DAB2IP: variants seen among roughly 807,000 people sequenced by gnomAD.
The protein encoded by DAB2IP is disabled homolog 2-interacting protein.
DAB2IP carries 28 observed loss-of-function variants against 107.2 expected under a neutral mutation model. The observed-to-expected ratio is 0.26, with a 90% CI of 0.19 to 0.36. The LOEUF (loss-of-function observed/expected upper bound fraction) is 0.36, where lower values mean the gene tolerates loss of function less well. DAB2IP is among the 10% of genes least tolerant of loss of function. The pLI, the probability that DAB2IP is intolerant of heterozygous loss-of-function variation, is 1.00. For missense variants in DAB2IP, 1,400 were observed against 1,644.7 expected (o/e 0.85, Z 2.57); for synonymous variants, 755 against 706.4 (o/e 1.07, Z -1.09).
At position 121,599,869 on chromosome 9, in the gene DAB2IP, GTGT is replaced by G. The variant is rs1830634050; in HGVS notation, c.40+32644_40+32646del. The stretch of plus-strand genomic sequence containing the variant: ...GAGGATCCGGGGGCTCCGATGCGAG[GTGT>G]TGGGGTAGGGGACTGAGGAATGGGC... On this transcript the variant is annotated intron_variant, in intron 1 of 16. Coordinates refer to the DAB2IP transcript ENST00000259371. This position sits in a 1 kb window ranked among gnomAD's most constrained non-coding sequence, Gnocchi z 6.9. Among the ~76,000 whole-genome samples the G allele has an allele frequency of 6.6e-6, 1 of 152,198 alleles. No homozygotes were observed. The highest frequency in any genetic ancestry group is 1.5e-5 in the Non-Finnish European group (1 of 68,022).
At chr9:121,674,719 C>T (rs10119574) in intron 1 of DAB2IP, among the ~76,000 whole-genome samples, 7 of 152,110 alleles carry the variant, frequency 4.6e-5, no homozygotes, top group African/African-American at 1.7e-4. Flanking sequence ...GGCCCAGACC[C>T]AGGAGGCAAG....
intron 1 of DAB2IP, among the ~76,000 whole-genome samples, chr9:121,588,552 TGAAGGGG>T (rs1211129604): frequency 6.3e-5 from 2 of 31,850 alleles, no homozygotes; most frequent in Non-Finnish European, 1.2e-4. Context: ...AGGGGAAGGG[TGAAGGGG>T]GAAGGGGGAA....
intron 1 of DAB2IP, among the ~76,000 whole-genome samples, chr9:121,626,353 G>A (rs564047969): frequency 6.6e-6 from 1 of 150,962 alleles, no homozygotes; most frequent in East Asian, 1.9e-4. Flanking sequence ...GGATATTTGT[G>A]TTGGTAAAAA....
chr9:121,603,237 T>G (rs1210639420), intron 1 of DAB2IP, among the ~76,000 whole-genome samples: 1 of 152,184 alleles, frequency 6.6e-6, no homozygotes, highest in Non-Finnish European at 1.5e-5. Context: ...CTGTGGGCCA[T>G]TGGGCAGCTT....
intron 1 of DAB2IP, among the ~76,000 whole-genome samples, chr9:121,667,425 T>C (rs1833489422): frequency 6.6e-6 from 1 of 152,204 alleles, no homozygotes; most frequent in African/African-American, 2.4e-5. Context: ...GGGAGCTATG[T>C]TTCCCCACCC....
intron 1 of DAB2IP, among the ~76,000 whole-genome samples, chr9:121,574,458 C>T (rs1361164582): frequency 6.6e-6 from 1 of 152,120 alleles, no homozygotes; most frequent in African/African-American, 2.4e-5. Flanking sequence ...GAAGAGAAGC[C>T]ACATTCATAC....
intron 4 of DAB2IP, among the ~76,000 whole-genome samples, chr9:121,758,132 G>A (rs1384177176): frequency 6.6e-6 from 1 of 152,210 alleles, no homozygotes; most frequent in Non-Finnish European, 1.5e-5. Context: ...GAGGGTGCAG[G>A]CCCTCGAATG....
intron 1 of DAB2IP, among the ~76,000 whole-genome samples, chr9:121,578,232 CTCTT>C (rs1380836314): frequency 2.0e-5 from 3 of 152,174 alleles, no homozygotes; most frequent in African/African-American, 7.2e-5. Context: ...CTATCTCTGT[CTCTT>C]TCTGTCTCTC....
rs1202929145 is a variant in DAB2IP at position 121,621,984 on chromosome 9, C to CTT, written c.40+54777_40+54778dup. On this transcript the variant is annotated intron_variant, in intron 1 of 16. Transcript: ENST00000259371. ...TTGTGTTTCTTTTTCTTTTTTCTTT[C>CTT]TTTTTTTTTTTTTTTTTTTTTTGAG... 7.1e-3 allele frequency among the ~76,000 whole-genome samples: 705 copies of CTT among 99,606 alleles called. 2 individuals carry two copies. Among genetic ancestry groups the CTT allele is most frequent in the African/African-American group, 0.01 (240 of 23,336 alleles). 65.3% of individuals were successfully genotyped at this position (99,606 alleles called of 152,430 possible). A position where few individuals can be genotyped will look rare whatever the true frequency, so the allele number is the denominator to read the frequency against.
In DAB2IP at chr9:121,637,004, GCT is replaced by G. The variant is rs376024864; in HGVS notation, c.41-41669_41-41668del. On this transcript the variant is annotated intron_variant, in intron 1 of 16. Coordinates refer to the DAB2IP transcript ENST00000259371. Reference sequence around the variant, plus strand: ...GGACTGTCAGATCCTAAAGCCTTGAGCTCTCTTTTCCTTCTGGACACTTTGTT... The same window carrying G: ...GGACTGTCAGATCCTAAAGCCTTGAGCTCTTTTCCTTCTGGACACTTTGTT... Among the ~76,000 whole-genome samples, 57 of 152,324 alleles carry G rather than the reference GCT, an allele frequency of 3.7e-4. 1 individual carries two copies. In the East Asian group the frequency reaches 9.7e-3, roughly 26 times the overall value.
At chr9:121,737,424 C>T (rs1280918849) in intron 3 of DAB2IP, 8 of 985,334 alleles carry the variant, frequency 8.1e-6, no homozygotes, top group African/African-American at 5.2e-5. Context: ...AGATTCAGCA[C>T]GTGCCTTTCG....
chr9:121,730,969 A>C (rs1018431152), intron 3 of DAB2IP, among the ~76,000 whole-genome samples: 7 of 152,292 alleles, frequency 4.6e-5, no homozygotes, highest in Admixed American at 4.6e-4. Flanking sequence ...GGGGACACAG[A>C]TCTCTGAAGA....
chr9:121,596,988 C>A (rs1830544917), intron 1 of DAB2IP, among the ~76,000 whole-genome samples: 1 of 152,166 alleles, frequency 6.6e-6, no homozygotes, highest in Non-Finnish European at 1.5e-5. Context: ...TGAGACTGAC[C>A]ATCTTTGCAT....
intron 1 of DAB2IP, among the ~76,000 whole-genome samples, chr9:121,572,164 C>T (rs373930820): frequency 4.6e-5 from 7 of 152,236 alleles, no homozygotes; most frequent in South Asian, 2.1e-4. Context: ...ATGCTTTCTC[C>T]GGGTTCTTTT....
chr9:121,761,651 C>T (rs537126231), intron 6 of DAB2IP, among the ~76,000 whole-genome samples: 18 of 152,204 alleles, frequency 1.2e-4, no homozygotes, highest in Non-Finnish European at 2.2e-4. Context: ...CATGGACCCG[C>T]GATGGGGAGC....
chr9:121,671,926 T>C (rs1045136847), intron 1 of DAB2IP, among the ~76,000 whole-genome samples: 1 of 151,864 alleles, frequency 6.6e-6, no homozygotes, highest in Admixed American at 6.6e-5. Flanking sequence ...ATGAAGCAGT[T>C]TTCTTGACTG....
intron 10 of DAB2IP, among the ~76,000 whole-genome samples, chr9:121,770,234 C>T (rs965538486): frequency 2.0e-5 from 3 of 152,202 alleles, no homozygotes; most frequent in African/African-American, 7.2e-5. Context: ...TGCTGGGATT[C>T]CATGTGTGCT....
intron 1 of DAB2IP, among the ~76,000 whole-genome samples, chr9:121,578,536 C>T (rs540899760): frequency 5.9e-5 from 9 of 151,914 alleles, no homozygotes; most frequent in South Asian, 2.1e-4. Context: ...CTTCAGTTCT[C>T]CTCTCCCTCC....
At chr9:121,770,864 C>T (rs1393647434) in intron 11 of DAB2IP, 140 bp downstream of exon 11, 5 of 1,171,384 alleles carry the variant, frequency 4.3e-6, no homozygotes, top group Middle Eastern at 2.6e-4. Flanking sequence ...TGTACAGGTC[C>T]TAAGTGGTGA....
Sources: gnomAD v4.1 joint callset for allele counts (sites outside exome capture counted in the v4.1 genomes callset) on GRCh38, gnomAD v4.1.1 for gene constraint, Gnocchi (gnomAD v3.1) non-coding constraint, MANE v1.5 for transcripts, NCBI Gene and HGNC (gene_info 2026-07-23, HGNC 2026-07-21) for gene names.